Variants in PLPP1 observed in about 807,000 individuals in gnomAD.
PLPP1 encodes the protein lipid phosphate phosphohydrolase 1a.
A neutral mutation model predicts 31.2 loss-of-function variants in PLPP1; 24 were observed. That is an observed-to-expected ratio of 0.77 (90% CI 0.56 to 1.08). The LOEUF is 1.08. PLPP1 is among the 50% of genes least tolerant of loss of function. The probability of loss-of-function intolerance (pLI) is 0.00; values close to 1 mark genes in which losing one functional copy is unlikely to be tolerated. For missense variants in PLPP1, 319 were observed against 342.7 expected (o/e 0.93, Z 0.55); for synonymous variants, 146 against 126.3 (o/e 1.16, Z -1.05).
chr5:55,460,749 G>A (rs1402028315), intron 3 of PLPP1, among the ~76,000 whole-genome samples: 2 of 152,042 alleles, frequency 1.3e-5, no homozygotes, highest in East Asian at 1.9e-4. Context: ...AGGAGCCTCA[G>A]GCAGAAGGAT....
intron 4 of PLPP1, among the ~76,000 whole-genome samples, chr5:55,435,135 T>C (rs1470255344): frequency 6.6e-6 from 1 of 152,136 alleles, no homozygotes; most frequent in Non-Finnish European, 1.5e-5. Context: ...CCAATAGGTA[T>C]ATGAAAAAAT....
chr5:55,529,214 CTATA>C (rs1465716974), intron 1 of PLPP1, among the ~76,000 whole-genome samples: 1 of 151,718 alleles, frequency 6.6e-6, no homozygotes, highest in African/African-American at 2.4e-5. Flanking sequence ...TATAGAAACT[CTATA>C]TATAACCTGA....
rs370936029 is a variant in PLPP1 at position 55,479,306 on chromosome 5, C to T, written c.59-3856G>A. ...TCTCCCAAAGTGCTGGGATTATAGG[C>T]GTGAGCCAGTGTGCCTAGCCAAGAT... On this transcript the variant is annotated intron_variant, in intron 1 of 5. Coordinates refer to ENST00000307259, the MANE Select transcript of PLPP1 (RefSeq NM_003711.4). Among the ~76,000 whole-genome samples, 39 of 152,276 alleles carry T rather than the reference C, an allele frequency of 2.6e-4. No homozygotes were observed. The East Asian group carries it at 4.8e-3, about 19-fold the overall frequency.
At chr5:55,425,753 C>T (rs1751167898) in intron 5 of PLPP1, 110 bp downstream of exon 5, 4 of 999,338 alleles carry the variant, frequency 4.0e-6, no homozygotes, top group South Asian at 2.2e-5. Flanking sequence ...AGATTCTTGC[C>T]CACTGCATAG....
chr5:55,451,432 G>C (rs973821246), intron 3 of PLPP1, among the ~76,000 whole-genome samples: 1 of 152,172 alleles, frequency 6.6e-6, no homozygotes, highest in African/African-American at 2.4e-5. Context: ...AATTATTAGA[G>C]CCCAGTAGGA....
At chr5:55,447,827 T>A (rs1751800857) in intron 3 of PLPP1, among the ~76,000 whole-genome samples, 2 of 152,192 alleles carry the variant, frequency 1.3e-5, no homozygotes, top group Non-Finnish European at 2.9e-5. Flanking sequence ...AGAGACAGGG[T>A]CTCGCTCTGT....
intron 4 of PLPP1, among the ~76,000 whole-genome samples, chr5:55,432,962 C>T (rs1751394950): frequency 6.6e-6 from 1 of 151,898 alleles, no homozygotes; most frequent in Non-Finnish European, 1.5e-5. Flanking sequence ...TACTTTGACC[C>T]CTCCTATTCA....
chr5:55,498,727 T>C (rs1445249503), intron 1 of PLPP1, among the ~76,000 whole-genome samples: 2 of 150,070 alleles, frequency 1.3e-5, no homozygotes, highest in Non-Finnish European at 3.0e-5. Context: ...GTGAACAATC[T>C]GAAGTCCAAG....
chr5:55,427,512 A>G (rs945371395), intron 4 of PLPP1, among the ~76,000 whole-genome samples: 4 of 152,134 alleles, frequency 2.6e-5, no homozygotes, highest in African/African-American at 9.7e-5. Context: ...AAAAATAGCA[A>G]CTCTAGAATG....
chr5:55,425,531 T>A (rs571197771), intron 5 of PLPP1, 197 bp from the exon 6 acceptor site: 180 of 514,932 alleles, frequency 3.5e-4, no homozygotes, highest in Non-Finnish European at 4.8e-4. Flanking sequence ...TGTTATGCCT[T>A]CAGCAAATAG....
chr5:55,438,505 T>TA (rs1000573924), intron 4 of PLPP1, among the ~76,000 whole-genome samples: 40 of 152,332 alleles, frequency 2.6e-4, no homozygotes, highest in African/African-American at 9.4e-4. Flanking sequence ...TTTAAATGAC[T>TA]ACGTCTCTAC....
At chr5:55,474,217 G>T (rs1188228725) in intron 2 of PLPP1, among the ~76,000 whole-genome samples, 1 of 150,444 alleles carries the variant, frequency 6.6e-6, no homozygotes, top group African/African-American at 2.5e-5. Context: ...GGCTGGTCTC[G>T]AACTCCTGAT....
chr5:55,527,207 G>T (rs1048108742), intron 1 of PLPP1, among the ~76,000 whole-genome samples: 3 of 152,100 alleles, frequency 2.0e-5, no homozygotes, highest in Non-Finnish European at 2.9e-5. Flanking sequence ...CCAGATTGAG[G>T]CTTAACAAAG....
intron 3 of PLPP1, 57 bp from the exon 4 acceptor site, chr5:55,441,965 T>TGGCA: frequency 6.6e-7 from 1 of 1,509,276 alleles, no homozygotes; most frequent in Non-Finnish European, 9.2e-7. Context: ...AAAGTATTGT[T>TGGCA]GATTTCATAA....
intron 1 of PLPP1, among the ~76,000 whole-genome samples, chr5:55,487,851 G>A (rs938846355): frequency 3.9e-5 from 6 of 152,098 alleles, no homozygotes; most frequent in African/African-American, 1.4e-4. Flanking sequence ...GCATTAGGTC[G>A]GGCGTGGTGG....
At chr5:55,530,362 T>G (rs1740616707) in intron 1 of PLPP1, 1 of 1,351,064 alleles carries the variant, frequency 7.4e-7, no homozygotes, top group Admixed American at 1.7e-5. Context: ...AAGTGATTAC[T>G]GTTAGAGTGA....
chr5:55,446,347 T>C (rs1751764561), intron 3 of PLPP1, among the ~76,000 whole-genome samples: 1 of 152,202 alleles, frequency 6.6e-6, no homozygotes, highest in Non-Finnish European at 1.5e-5. Flanking sequence ...GCTTAATCAA[T>C]ATGTTACACT....
chr5:55,490,218 T>C (rs1030964090), intron 1 of PLPP1, among the ~76,000 whole-genome samples: 1 of 149,774 alleles, frequency 6.7e-6, no homozygotes, highest in African/African-American at 2.5e-5. Flanking sequence ...TGGCATGATC[T>C]TGGCTCACTG....
At chr5:55,529,646 T>C (rs1295637613) in intron 1 of PLPP1, among the ~76,000 whole-genome samples, 1 of 152,218 alleles carries the variant, frequency 6.6e-6, no homozygotes, top group East Asian at 1.9e-4. Flanking sequence ...AATACGATTT[T>C]CTTATAGTTG....
Sources: gnomAD v4.1 joint callset for allele counts (sites outside exome capture counted in the v4.1 genomes callset) on GRCh38, gnomAD v4.1.1 for gene constraint, MANE v1.5 for transcripts, NCBI Gene and HGNC (gene_info 2026-07-23, HGNC 2026-07-21) for gene names.